The following SIK2 variants were observed in gnomAD, a reference collection of about 807,000 sequenced individuals.
SIK2 encodes the protein serine/threonine-protein kinase SIK2.
In SIK2, 29 loss-of-function variants were observed where a neutral mutation model predicts 103.2. The observed-to-expected ratio is 0.28, with a 90% CI of 0.21 to 0.38. The LOEUF (loss-of-function observed/expected upper bound fraction) is 0.38. SIK2 is among the 10% of genes least tolerant of loss of function. SIK2 has a pLI of 1.00. For synonymous variants in SIK2, 412 were observed against 446.1 expected, an observed-to-expected ratio of 0.92 and a Z score of 0.96; for missense variants, 879 against 1,171.0, an observed-to-expected ratio of 0.75 and a Z score of 3.64.
chr11:111,672,321 C>T, intron 3 of SIK2: 1 of 428,206 alleles, frequency 2.3e-6, no homozygotes, highest in South Asian at 3.5e-5. Flanking sequence ...AGGCACCAGG[C>T]CTGCTCGTGG....
chr11:111,671,214 G>T, intron 3 of SIK2: 2 of 261,628 alleles, frequency 7.6e-6, no homozygotes. Context: ...AGCTTTCCTT[G>T]CCCTGCAGCA....
intron 3 of SIK2, among the ~76,000 whole-genome samples, chr11:111,633,438 G>A (rs890731999): frequency 6.6e-6 from 1 of 152,184 alleles, no homozygotes; most frequent in Non-Finnish European, 1.5e-5. Context: ...GTAATAGTCT[G>A]TTTTGGCCTT....
chr11:111,720,513 G>A lies in SIK2; in HGVS notation c.1531G>A (p.Asp511Asn). Residue 511 changes from aspartate to asparagine, a missense_variant, in exon 11 of 15, where the codon GAC (aspartate) becomes AAC (asparagine). By Grantham distance (23) the Asp-to-Asn change is conservative (BLOSUM62 1). This residue lies in a region of SIK2 where 222 missense variants were observed against 258.0 expected (regional missense o/e 0.86). Transcript: ENST00000304987. The part of the protein sequence containing the change: ...IFSMNDSPSL[D>N]SVDSEYDMGS... ...CTCCATGAATGACAGCCCCTCCCTT[G>A]ACAGTGTGGACTCTGAGTATGATAT... The A allele has an allele frequency of 1.2e-6, 2 of 1,611,222 alleles. No homozygotes were observed. The highest frequency in any genetic ancestry group is 1.7e-6 in the Non-Finnish European group (2 of 1,179,078).
intron 1 of SIK2, among the ~76,000 whole-genome samples, chr11:111,613,127 A>T (rs1379668260): frequency 6.6e-6 from 1 of 151,812 alleles, no homozygotes; most frequent in Non-Finnish European, 1.5e-5. Context: ...TCACTTTTTC[A>T]TTGTTGAGGC....
chr11:111,723,399 G>A (rs930726744), intron 14 of SIK2, 97 bp from the exon 15 acceptor site: 16 of 1,323,496 alleles, frequency 1.2e-5, no homozygotes, highest in Non-Finnish European at 1.6e-5. Flanking sequence ...AGAGACTTAA[G>A]TAGAAGACTG....
chr11:111,603,594 C>G (rs575572463), intron 1 of SIK2, among the ~76,000 whole-genome samples: 1 of 152,172 alleles, frequency 6.6e-6, no homozygotes, highest in Non-Finnish European at 1.5e-5. Context: ...TCTGTTCTTA[C>G]CTAACCCGCC....
At chr11:111,672,111 C>A in intron 3 of SIK2, 1 of 470,080 alleles carries the variant, frequency 2.1e-6, no homozygotes, top group South Asian at 1.7e-5. Flanking sequence ...TCTGCTCCTT[C>A]TCCTGGTTAC....
intron 3 of SIK2, among the ~76,000 whole-genome samples, chr11:111,635,100 C>T (rs1214779775): frequency 3.3e-5 from 5 of 152,138 alleles, no homozygotes; most frequent in Admixed American, 1.3e-4. Flanking sequence ...CTAGTAACCA[C>T]ATGAAAGAGC....
intron 14 of SIK2, among the ~76,000 whole-genome samples, chr11:111,723,104 C>T (rs1943854410): frequency 6.6e-6 from 1 of 152,204 alleles, no homozygotes; most frequent in East Asian, 1.9e-4. Context: ...TGTGTGCCCA[C>T]AGCCTCGCTA....
chr11:111,716,237 C>T (rs188360483), intron 9 of SIK2, among the ~76,000 whole-genome samples: 33 of 152,332 alleles, frequency 2.2e-4, no homozygotes, highest in African/African-American at 7.2e-4. Flanking sequence ...TGTCTACTTA[C>T]ATTTTTAATA....
At chr11:111,682,275 G>C (rs1342316483) in intron 3 of SIK2, among the ~76,000 whole-genome samples, 1 of 152,158 alleles carries the variant, frequency 6.6e-6, no homozygotes, top group Non-Finnish European at 1.5e-5. Context: ...GTAATGTGAG[G>C]AAGCAAAGGA....
intron 1 of SIK2, among the ~76,000 whole-genome samples, chr11:111,604,757 A>G (rs529399276): frequency 6.6e-6 from 1 of 152,310 alleles, no homozygotes; most frequent in Admixed American, 6.5e-5. Flanking sequence ...AGTCCGCAGA[A>G]CCCATTTCCC....
intron 3 of SIK2, among the ~76,000 whole-genome samples, chr11:111,687,126 A>G (rs1196987741): frequency 6.6e-6 from 1 of 152,206 alleles, no homozygotes; most frequent in Non-Finnish European, 1.5e-5. Flanking sequence ...GACATTAAAA[A>G]AATCATGTTG....
Position 111,723,514 on chromosome 11 carries a change from C to G in SIK2, c.2166C>G (p.Leu722=). 6.2e-7 allele frequency: 1 copy of G among 1,603,382 alleles called. No homozygotes were observed. Among genetic ancestry groups the G allele is most frequent in the Non-Finnish European group, 8.5e-7 (1 of 1,172,868 alleles). Reference sequence around the variant, plus strand: ...AATTTAGGCTCCAGCAGAAGCGACTCTTTCTTCAGAAGCAGTCTCAACTGC... The same window carrying G: ...AATTTAGGCTCCAGCAGAAGCGACTGTTTCTTCAGAAGCAGTCTCAACTGC... ...LQEHRLQQKR[L]FLQKQSQLQA... Residue 722 remains leucine, a synonymous_variant, in exon 15 of 15, where the codon CTC becomes CTG. Coordinates refer to ENST00000304987, the MANE Select transcript of SIK2 (RefSeq NM_015191.3).
At chr11:111,666,807 C>A (rs1942548355) in intron 3 of SIK2, among the ~76,000 whole-genome samples, 1 of 152,084 alleles carries the variant, frequency 6.6e-6, no homozygotes, top group African/African-American at 2.4e-5. Flanking sequence ...AAACACCTAA[C>A]TAGCAAATCC....
At chr11:111,715,052 T>TACTGTA in intron 9 of SIK2, among the ~76,000 whole-genome samples, 1 of 152,338 alleles carries the variant, frequency 6.6e-6, no homozygotes, top group South Asian at 2.1e-4. Flanking sequence ...TTGTGATTGT[T>TACTGTA]ACTGTAACCA....
intron 10 of SIK2, 53 bp downstream of exon 10, chr11:111,720,056 C>T: frequency 6.5e-7 from 1 of 1,542,230 alleles, no homozygotes; most frequent in Non-Finnish European, 8.8e-7. Flanking sequence ...ATGTCATACT[C>T]CAATTGCCAA....
intron 14 of SIK2, among the ~76,000 whole-genome samples, chr11:111,723,042 G>A (rs527874536): frequency 3.9e-5 from 6 of 152,180 alleles, no homozygotes; most frequent in Non-Finnish European, 7.3e-5. Flanking sequence ...GTGGCCCAAA[G>A]TATGGAGGTG....
chr11:111,699,915 T>C (rs1466228974), intron 4 of SIK2, among the ~76,000 whole-genome samples: 1 of 152,198 alleles, frequency 6.6e-6, no homozygotes, highest in East Asian at 1.9e-4. Context: ...CTCTTAAAGC[T>C]CACTGTGCAT....
Sources: allele counts gnomAD v4.1 joint callset (sites outside exome capture counted in the v4.1 genomes callset), GRCh38; gene constraint gnomAD v4.1.1; regional missense constraint gnomAD v4.1.1; transcripts MANE v1.5; gene names NCBI Gene and HGNC (gene_info 2026-07-23, HGNC 2026-07-21).